The following FANCM variants were observed in gnomAD, a reference collection of about 807,000 sequenced individuals.
FANCM encodes the protein FA complementation group M.
Under a neutral mutation model 199.5 loss-of-function variants are expected in FANCM, and 140 were observed. The ratio of observed to expected loss-of-function variants is 0.70; its 90% CI spans 0.61 to 0.81. FANCM has a LOEUF of 0.81. FANCM is among the 30% of genes least tolerant of loss of function. FANCM has a pLI of 0.00. For synonymous variants in FANCM, 840 were observed against 836.8 expected (o/e 1.00, Z -0.07); for missense variants, 2,410 against 2,421.4 (o/e 1.00, Z 0.10).
chr14:45,158,153 G>T (rs1448868456), intron 8 of FANCM, among the ~76,000 whole-genome samples: 1 of 152,128 alleles, frequency 6.6e-6, no homozygotes, highest in Non-Finnish European at 1.5e-5. Flanking sequence ...AGCCATGATG[G>T]TGCCACTGCA....
chr14:45,183,994 CT>C, intron 17 of FANCM, 92 bp downstream of exon 17: 1 of 899,960 alleles, frequency 1.1e-6, no homozygotes, highest in Non-Finnish European at 1.7e-6. Context: ...TATACATTCT[CT>C]TTATAGAAAA....
intron 9 of FANCM, among the ~76,000 whole-genome samples, chr14:45,161,549 TA>T (rs1887608033): frequency 6.6e-6 from 1 of 152,102 alleles, no homozygotes; most frequent in Admixed American, 6.6e-5. Flanking sequence ...GAGGCTAGGT[TA>T]GGCAGATTGC....
chr14:45,188,820 A>G lies in FANCM; in HGVS notation c.4798A>G (p.Thr1600Ala), dbSNP rs779658679. Residue 1600 changes from threonine to alanine, a missense_variant, in exon 20 of 23, where the codon ACC (threonine) becomes GCC (alanine). Coordinates refer to ENST00000267430, the MANE Select transcript of FANCM (RefSeq NM_020937.4). Reference sequence around the variant, plus strand: ...ATTGTAGATTCCTGAACAAGATGAAACCTATTTAGAGGATAGTTTTTGTGT... The same window carrying G: ...ATTGTAGATTCCTGAACAAGATGAAGCCTATTTAGAGGATAGTTTTTGTGT... The part of the protein sequence containing the change: ...IFSQIPEQDE[T>A]YLEDSFCVDE... 4 of 1,611,918 alleles carry G rather than the reference A, an allele frequency of 2.5e-6. No individual in the cohort carries two copies. The Admixed American group carries it at 6.7e-5, about 27-fold the overall frequency.
At chr14:45,141,267 G>A (rs565996159) in intron 3 of FANCM, among the ~76,000 whole-genome samples, 3 of 127,660 alleles carry the variant, frequency 2.3e-5, no homozygotes, top group Non-Finnish European at 4.7e-5. Flanking sequence ...CAGCCTGGGC[G>A]ACAGAGCGAG....
intron 3 of FANCM, among the ~76,000 whole-genome samples, chr14:45,143,502 G>A (rs1365060280): frequency 6.6e-6 from 1 of 151,806 alleles, no homozygotes; most frequent in African/African-American, 2.4e-5. Context: ...TGATGCTTCT[G>A]TAACTTTCTG....
chr14:45,139,006 T>C (rs542066941), intron 2 of FANCM, among the ~76,000 whole-genome samples: 13 of 152,344 alleles, frequency 8.5e-5, no homozygotes, highest in Admixed American at 2.0e-4. Context: ...CACTCAAAAC[T>C]GCCTCACAAT....
chr14:45,160,437 C>T (rs1461123261), intron 9 of FANCM, among the ~76,000 whole-genome samples: 1 of 152,026 alleles, frequency 6.6e-6, no homozygotes, highest in Non-Finnish European at 1.5e-5. Flanking sequence ...ACTCTCCTGC[C>T]TCAGCCTCCT....
chr14:45,177,552 C>T lies in FANCM; in HGVS notation c.4222+576C>T, dbSNP rs552928089. 1.0e-3 allele frequency among the ~76,000 whole-genome samples: 153 copies of T among 152,068 alleles called. 1 individual carries two copies. Among genetic ancestry groups the T allele is most frequent in the African/African-American group, 3.3e-3 (139 of 41,498 alleles). ...GATTATGGGCACCCACCATCATGCC[C>T]GGCTAAGTTTTGTATTTTTAATAGA... On this transcript the variant is annotated intron_variant, in intron 14 of 22. Transcript: ENST00000267430.
chr14:45,137,356 G>A (rs371824355), intron 2 of FANCM, 115 bp downstream of exon 2: 10 of 814,154 alleles, frequency 1.2e-5, no homozygotes, highest in East Asian at 5.2e-5. Context: ...AAGCCTTTAC[G>A]TCTATTATCT....
chr14:45,144,108 A>C (rs1185230099), intron 3 of FANCM, among the ~76,000 whole-genome samples: 1 of 152,200 alleles, frequency 6.6e-6, no homozygotes, highest in South Asian at 2.1e-4. Context: ...ATTTTGATAC[A>C]GGCATGCAGT....
In FANCM at chr14:45,183,782, A is replaced by G. The variant is rs749970691; in HGVS notation, c.4395A>G (p.Leu1465=). 1.9e-6 allele frequency: 3 copies of G among 1,605,614 alleles called. No homozygotes were observed. Among genetic ancestry groups the G allele is most frequent in the Non-Finnish European group, 2.6e-6 (3 of 1,172,870 alleles). ...TTGTCGAATTATTATAGTCAGAATT[A>G]TCATCTAGTGATGAGAGTGAGAATT... ...KRRFPINRSE[L]SSSDESENFP... The change falls in exon 17 of 23, where the codon TTA becomes TTG. Residue 1465 remains leucine (L), a synonymous_variant. Transcript: ENST00000267430.
chr14:45,168,917 A>G (rs949385132), intron 11 of FANCM, among the ~76,000 whole-genome samples: 1 of 147,062 alleles, frequency 6.8e-6, no homozygotes, highest in African/African-American at 2.6e-5. Context: ...TGAATTGACT[A>G]TTTTTTATTT....
intron 2 of FANCM, among the ~76,000 whole-genome samples, chr14:45,138,810 A>T (rs1033425883): frequency 6.6e-6 from 1 of 152,214 alleles, no homozygotes; most frequent in Non-Finnish European, 1.5e-5. Flanking sequence ...CTTACACCGC[A>T]TTGAATATTC....
intron 20 of FANCM, among the ~76,000 whole-genome samples, chr14:45,194,883 C>T (rs908752960): frequency 6.7e-6 from 1 of 150,232 alleles, no homozygotes. Flanking sequence ...GTGATCTCGG[C>T]TCACTGCAAC....
intron 20 of FANCM, chr14:45,195,617 C>G (rs1446590415): frequency 2.2e-6 from 1 of 452,272 alleles, no homozygotes; most frequent in Non-Finnish European, 4.5e-6. Context: ...TTCCAAAATT[C>G]TCACTTCCAT....
Position 45,176,792 on chromosome 14 carries a change from A to G in FANCM, c.4038A>G (p.Thr1346=). The change falls in exon 14 of 23, where the codon ACA becomes ACG. Residue 1346 remains threonine (T), a synonymous_variant. Transcript: ENST00000267430. The part of the protein sequence containing the change: ...VMSTPLSKSN[T]LNSFSKIRKE... ...GTACACCACTCTCTAAATCAAACAC[A>G]TTGAACTCATTTTCTAAGATAAGAA... The G allele has an allele frequency of 6.2e-7, 1 of 1,607,696 alleles. No homozygotes were observed. Among genetic ancestry groups the G allele is most frequent in the Non-Finnish European group, 8.5e-7 (1 of 1,177,036 alleles).
At chr14:45,168,411 A>C (rs1888121978) in intron 11 of FANCM, among the ~76,000 whole-genome samples, 1 of 152,010 alleles carries the variant, frequency 6.6e-6, no homozygotes, top group Admixed American at 6.6e-5. Context: ...TGGATAAATC[A>C]TTTTTAGTGA....
intron 18 of FANCM, among the ~76,000 whole-genome samples, chr14:45,187,053 A>G (rs753627353): frequency 6.6e-6 from 1 of 152,144 alleles, no homozygotes; most frequent in Non-Finnish European, 1.5e-5. Context: ...AATGGATTAG[A>G]AAAAAAGGAG....
At position 45,175,877 on chromosome 14, in the gene FANCM, A is replaced by G. The variant is rs1461317312; in HGVS notation, c.3123A>G (p.Ser1041=). ...SDKCTCLLSH[S]AVNSQQNLEL... ...AATGCACCTGTTTGCTGTCACATTCAGCTGTGAATTCTCAACAGAATTTAG... is the reference window on the plus strand; with the variant it reads ...AATGCACCTGTTTGCTGTCACATTCGGCTGTGAATTCTCAACAGAATTTAG... The change falls in exon 14 of 23, where the codon TCA becomes TCG. Residue 1041 remains serine, a synonymous_variant. Coordinates refer to ENST00000267430, the MANE Select transcript of FANCM (RefSeq NM_020937.4). The G allele has an allele frequency of 2.5e-6, 4 of 1,613,822 alleles. No homozygotes were observed. The highest frequency in any genetic ancestry group is 3.4e-6 in the Non-Finnish European group (4 of 1,179,880).
Sources: allele counts gnomAD v4.1 joint callset (sites outside exome capture counted in the v4.1 genomes callset), GRCh38; gene constraint gnomAD v4.1.1; transcripts MANE v1.5; gene names NCBI Gene and HGNC (gene_info 2026-07-23, HGNC 2026-07-21).